The following GLT1D1 variants were observed in gnomAD, a reference collection of about 807,000 sequenced individuals.
The protein encoded by GLT1D1 is glycosyltransferase 1 domain containing 1, also known as glycosyltransferase 1 domain-containing protein 1.
GLT1D1 carries 21 observed loss-of-function variants against 28.7 expected under a neutral mutation model. That is an observed-to-expected ratio of 0.73 (90% confidence interval 0.52 to 1.05). The LOEUF (loss-of-function observed/expected upper bound fraction) is 1.05. GLT1D1 is among the 50% of genes least tolerant of loss of function. The probability of loss-of-function intolerance (pLI) is 0.00; values close to 1 mark genes in which losing one functional copy is unlikely to be tolerated. For synonymous variants in GLT1D1, 147 were observed against 124.8 expected (o/e 1.18, Z -1.19); for missense variants, 343 against 330.6 (o/e 1.04, Z -0.29).
At chr12:128,895,810 T>G (rs1869565080) in intron 3 of GLT1D1, among the ~76,000 whole-genome samples, 1 of 152,032 alleles carries the variant, frequency 6.6e-6, no homozygotes. Context: ...AAGGAGTAAG[T>G]GCAGATAGAG....
At chr12:128,892,761 T>G (rs1869205435) in intron 3 of GLT1D1, among the ~76,000 whole-genome samples, 1 of 152,136 alleles carries the variant, frequency 6.6e-6, no homozygotes. Flanking sequence ...TTTTTGAAGT[T>G]TTTTTAGTAT....
intron 4 of GLT1D1, among the ~76,000 whole-genome samples, chr12:128,904,477 G>A (rs142756410): frequency 6.6e-6 from 1 of 151,898 alleles, no homozygotes; most frequent in East Asian, 1.9e-4. Flanking sequence ...GGTTCTGGAT[G>A]TATTGACTTA....
Position 128,871,982 on chromosome 12 carries a change from C to T in GLT1D1, c.69-3932C>T, listed in dbSNP as rs1330729940. On this transcript the variant is annotated intron_variant, in intron 1 of 7. Transcript: ENST00000281703. ...TTTATTTATTTTTGAGACGGAGTCT[C>T]GCTCTGTCGCCCAGGCTGGAGTGCA... Among the ~76,000 whole-genome samples the T allele has an allele frequency of 1.2e-4, 18 of 152,014 alleles. 1 individual carries two copies. The highest frequency in any genetic ancestry group is 4.6e-4 in the Admixed American group (7 of 15,250).
chr12:128,965,710 TAAAAAAAAAAA>T (rs757636287), intron 7 of GLT1D1, among the ~76,000 whole-genome samples: 4 of 104,728 alleles, frequency 3.8e-5, no homozygotes, highest in Non-Finnish European at 7.3e-5. Context: ...TGTCTCTGCT[TAAAAAAAAAAA>T]AAAAAAAAAA....
intron 4 of GLT1D1, among the ~76,000 whole-genome samples, chr12:128,934,558 C>G (rs1175168496): frequency 1.3e-5 from 2 of 152,142 alleles, no homozygotes; most frequent in Non-Finnish European, 2.9e-5. Context: ...TTGTCCATTT[C>G]TCTCCTTGAA....
chr12:128,952,438 G>GGT (rs1203483921), intron 6 of GLT1D1, among the ~76,000 whole-genome samples: 1 of 123,396 alleles, frequency 8.1e-6, no homozygotes, highest in Non-Finnish European at 1.7e-5. Context: ...TGGGGGTGGG[G>GGT]GGGGGTGGGG....
At chr12:128,945,237 C>T (rs925263753) in intron 4 of GLT1D1, 89 bp from the exon 9 acceptor site, 45 of 1,333,116 alleles carry the variant, frequency 3.4e-5, no homozygotes, top group South Asian at 5.9e-5. Context: ...GCCGCGCTGG[C>T]ACCAGGGCTT....
intron 7 of GLT1D1, among the ~76,000 whole-genome samples, chr12:128,968,540 A>G (rs938129277): frequency 3.4e-4 from 50 of 147,160 alleles, no homozygotes; most frequent in African/African-American, 1.1e-3. Context: ...GCAGGTGCCT[A>G]TAATCCTAGC....
intron 7 of GLT1D1, among the ~76,000 whole-genome samples, chr12:128,964,188 C>A (rs1316137389): frequency 1.3e-5 from 2 of 152,222 alleles, no homozygotes; most frequent in Non-Finnish European, 2.9e-5. Context: ...TCAGGGCCAG[C>A]CTGGCCAACA....
At chr12:128,874,027 C>G (rs1449269671) in intron 1 of GLT1D1, among the ~76,000 whole-genome samples, 5 of 71,824 alleles carry the variant, frequency 7.0e-5, no homozygotes. Context: ...TCCCCTTCCT[C>G]CCTCCCTCCC....
chr12:128,932,780 G>C (rs1874072133), intron 4 of GLT1D1, among the ~76,000 whole-genome samples: 1 of 151,650 alleles, frequency 6.6e-6, no homozygotes, highest in Non-Finnish European at 1.5e-5. Context: ...CTCTGGGCAC[G>C]ACCCTGGTTT....
intron 4 of GLT1D1, among the ~76,000 whole-genome samples, chr12:128,903,021 C>CAAA (rs34692166): frequency 8.7e-6 from 1 of 115,032 alleles, no homozygotes; most frequent in Non-Finnish European, 1.8e-5. Flanking sequence ...GACTCCGTCT[C>CAAA]AAAAAAAAAA....
chr12:128,944,984 C>T (rs1243407838), intron 4 of GLT1D1: 1 of 573,498 alleles, frequency 1.7e-6, no homozygotes, highest in African/African-American at 1.9e-5. Context: ...GTGTGATGTT[C>T]CCCTCCCTGT....
intron 4 of GLT1D1, chr12:128,944,947 A>C (rs1478841428): frequency 1.9e-6 from 1 of 540,508 alleles, no homozygotes; most frequent in South Asian, 2.3e-5. Context: ...TCCCTCCTCC[A>C]GCCCCCGACC....
chr12:128,868,319 C>A (rs1008054724), intron 1 of GLT1D1, among the ~76,000 whole-genome samples: 1 of 152,034 alleles, frequency 6.6e-6, no homozygotes, highest in Non-Finnish European at 1.5e-5. Flanking sequence ...TGTGGAGAGC[C>A]GGATGTTTTG....
At chr12:128,965,914 T>A (rs1159608717) in intron 7 of GLT1D1, among the ~76,000 whole-genome samples, 1 of 128,168 alleles carries the variant, frequency 7.8e-6, no homozygotes, top group African/African-American at 2.6e-5. Context: ...AAAAGAGAAC[T>A]AGCTCCAGGA....
At chr12:128,858,586 T>G (rs1956283507) in intron 1 of GLT1D1, among the ~76,000 whole-genome samples, 1 of 151,616 alleles carries the variant, frequency 6.6e-6, no homozygotes, top group South Asian at 2.1e-4. Flanking sequence ...GAAGGAGAAT[T>G]GCTTGAACCC....
At chr12:128,909,261 T>C (rs967834365) in intron 4 of GLT1D1, among the ~76,000 whole-genome samples, 3 of 152,024 alleles carry the variant, frequency 2.0e-5, no homozygotes, top group African/African-American at 7.2e-5. Context: ...TGTGGTTGGT[T>C]CCATTGCAGG....
chr12:128,899,772 G>C (rs188535729), intron 4 of GLT1D1, among the ~76,000 whole-genome samples: 1 of 151,986 alleles, frequency 6.6e-6, no homozygotes, highest in African/African-American at 2.4e-5. Context: ...GGCTGGTCTC[G>C]AACTACTGGC....
Sources: gnomAD v4.1 joint callset for allele counts (sites outside exome capture counted in the v4.1 genomes callset) on GRCh38, gnomAD v4.1.1 for gene constraint, MANE v1.5 for transcripts, NCBI Gene and HGNC (gene_info 2026-07-23, HGNC 2026-07-21) for gene names.